The following SERPINF2 variants were observed in gnomAD, a reference collection of about 807,000 sequenced individuals.
SERPINF2 encodes the protein serpin family F member 2, also known as alpha-2-antiplasmin.
A neutral mutation model predicts 45.0 loss-of-function variants in SERPINF2; 15 were observed. The observed-to-expected ratio is 0.33, with a 90% CI of 0.22 to 0.51. The LOEUF (loss-of-function observed/expected upper bound fraction) is 0.51, where lower values mean the gene tolerates loss of function less well. SERPINF2 is among the 20% of genes least tolerant of loss of function. The probability of loss-of-function intolerance (pLI) is 0.97; values close to 1 mark genes in which losing one functional copy is unlikely to be tolerated. For synonymous variants in SERPINF2, 283 were observed against 277.9 expected, an observed-to-expected ratio of 1.02 and a Z score of -0.18; for missense variants, 518 against 637.4, an observed-to-expected ratio of 0.81 and a Z score of 2.02.
intron 9 of SERPINF2, among the ~76,000 whole-genome samples, 179 bp downstream of exon 9, chr17:1,752,969 T>G (rs1906522347): frequency 6.6e-6 from 1 of 152,208 alleles, no homozygotes; most frequent in African/African-American, 2.4e-5. Context: ...CTAGAGGAAG[T>G]TGGGGTGGCC....
intron 8 of SERPINF2, among the ~76,000 whole-genome samples, chr17:1,750,273 C>G (rs917808531): frequency 6.6e-6 from 1 of 152,068 alleles, no homozygotes; most frequent in Admixed American, 6.6e-5. Flanking sequence ...CTCAGCCTCC[C>G]GAGTAGCTTG....
chr17:1,744,992 G>A lies in SERPINF2; in HGVS notation c.-4G>A, dbSNP rs377055860. ...ACAGAGCTTTCTGTCCCTGCCACAG[G>A]AACATGGCGCTGCTCTGGGGGCTCC... On this transcript the variant is annotated splice_region_variant and 5_prime_UTR_variant, in exon 2 of 10. Coordinates refer to ENST00000453066, the MANE Select transcript of SERPINF2 (RefSeq NM_000934.4). 6.2e-7 allele frequency: 1 copy of A among 1,613,870 alleles called. No homozygotes were observed. The highest frequency in any genetic ancestry group is 8.5e-7 in the Non-Finnish European group (1 of 1,180,008).
rs1266391143 is a variant in SERPINF2 at position 1,745,939 on chromosome 17, A to G, written c.367+30A>G. 6.2e-7 allele frequency: 1 copy of G among 1,602,412 alleles called. No individual in the cohort carries two copies. Among genetic ancestry groups the G allele is most frequent in the Non-Finnish European group, 8.5e-7 (1 of 1,174,084 alleles). On this transcript the variant is annotated intron_variant, in intron 5 of 9. Transcript: ENST00000453066. This position sits in a 1 kb window ranked among gnomAD's most constrained non-coding sequence, Gnocchi z 6.2. ...CCTGGCACCACTTGTCCAGACCAAGAGAGCTGGGAGGCCAGTAGGAACTCA... is the reference window on the plus strand; with the variant it reads ...CCTGGCACCACTTGTCCAGACCAAGGGAGCTGGGAGGCCAGTAGGAACTCA...
chr17:1,754,685 T>TGGGGGGGGGGGGGGG lies in SERPINF2; in HGVS notation c.*161_*162insGGGGGGGGGGGGGGG, dbSNP rs67887323. 4 of 181,378 alleles carry TGGGGGGGGGGGGGGG rather than the reference T, an allele frequency of 2.2e-5. No individual in the cohort carries two copies. Among genetic ancestry groups the TGGGGGGGGGGGGGGG allele is most frequent in the Admixed American group, 7.4e-5 (1 of 13,440 alleles). 11.2% of individuals were successfully genotyped at this position (181,378 alleles called of 1,614,324 possible). A position where few individuals can be genotyped will look rare whatever the true frequency, so the allele number is the denominator to read the frequency against. On this transcript the variant is annotated 3_prime_UTR_variant, in exon 10 of 10. Coordinates refer to ENST00000453066, the MANE Select transcript of SERPINF2 (RefSeq NM_000934.4). ...CCAACACCTCTTGGGGAGTTTAGGG[T>TGGGGGGGGGGGGGGG]GGGGGGGGGGCGCGGCTGGGAGGAG...
chr17:1,751,071 G>T (rs958952979), intron 8 of SERPINF2, among the ~76,000 whole-genome samples: 2 of 152,194 alleles, frequency 1.3e-5, no homozygotes, highest in Non-Finnish European at 2.9e-5. Context: ...CGGGTACTCT[G>T]CCTGGAACCC....
intron 5 of SERPINF2, among the ~76,000 whole-genome samples, chr17:1,746,447 G>C (rs1417014217): frequency 7.2e-6 from 1 of 139,164 alleles, no homozygotes; most frequent in African/African-American, 2.7e-5. Context: ...TTTTTTTTGA[G>C]ACAGAGTCTT....
rs554987662 is a variant in SERPINF2, at chr17:1,755,079, C to T, written c.*545C>T. The T allele has an allele frequency of 5.3e-4, 82 of 155,906 alleles. No homozygotes were observed. The highest frequency in any genetic ancestry group is 8.3e-4 in the Non-Finnish European group (59 of 70,660). 9.7% of individuals were successfully genotyped at this position (155,906 alleles called of 1,614,324 possible). On this transcript the variant is annotated 3_prime_UTR_variant, in exon 10 of 10. Coordinates refer to ENST00000453066, the MANE Select transcript of SERPINF2 (RefSeq NM_000934.4). This position sits in a 1 kb window ranked among gnomAD's most constrained non-coding sequence, Gnocchi z 4.2. ...CCATCCTACCCCCTGTGCCTTGTCA[C>T]GCCAGACTTCCCACGGCTCCTCGAG... is the stretch of plus-strand genomic sequence containing the variant.
At chr17:1,752,352 G>C (rs533597951) in intron 8 of SERPINF2, among the ~76,000 whole-genome samples, 11 of 152,022 alleles carry the variant, frequency 7.2e-5, no homozygotes, top group African/African-American at 1.2e-4. Flanking sequence ...CCCCATGCCC[G>C]GCCACACTGC....
Position 1,745,515 on chromosome 17 carries a change from G to A in SERPINF2, c.165+120G>A, listed in dbSNP as rs887653450. The A allele has an allele frequency of 3.8e-6, 5 of 1,311,382 alleles. No individual in the cohort carries two copies. The highest frequency in any genetic ancestry group is 5.4e-6 in the Non-Finnish European group (5 of 933,350). 81.2% of individuals were successfully genotyped at this position (1,311,382 alleles called of 1,614,324 possible). A position where few individuals can be genotyped will look rare whatever the true frequency, so the allele number is the denominator to read the frequency against. On this transcript the variant is annotated intron_variant, in intron 4 of 9. Transcript: ENST00000453066. The surrounding 1 kb of genome is among the most constrained non-coding windows in gnomAD (Gnocchi z 6.2). Reference sequence around the variant, plus strand: ...AGGCTCTGGAGTCCAGAGGCCAGAAGGGAGAGAGGGTGGGGAGGACCGAAG... The same window carrying A: ...AGGCTCTGGAGTCCAGAGGCCAGAAAGGAGAGAGGGTGGGGAGGACCGAAG...
rs751675412 is a variant in SERPINF2, at chr17:1,754,178, G to T, written c.1120G>T (p.Val374Leu). The T allele has an allele frequency of 1.9e-6, 3 of 1,612,072 alleles. No individual in the cohort carries two copies. The Admixed American group carries it at 5.0e-5, about 27-fold the overall frequency. ...DLRGISEQSL[V>L]VSGVQHQSTL... ...GCGTGGGATCTCCGAGCAGAGCCTG[G>T]TGGTGTCCGGCGTGCAGCATCAGTC... The change falls in exon 10 of 10, where the codon GTG becomes TTG. Residue 374 changes from valine to leucine, a missense_variant. Val to Leu is a conservative substitution (Grantham distance 32). This residue lies in a region of SERPINF2 where 435 missense variants were observed against 577.3 expected (regional missense o/e 0.75). Transcript: ENST00000453066.
At chr17:1,749,137 G>T (rs1052502032) in intron 8 of SERPINF2, among the ~76,000 whole-genome samples, 5 of 152,066 alleles carry the variant, frequency 3.3e-5, no homozygotes, top group African/African-American at 1.2e-4. Flanking sequence ...TGAAAAAGAA[G>T]GTGATTTTGG....
In SERPINF2 at chr17:1,745,282, T is replaced by C. The variant is rs753693885; in HGVS notation, c.103-51T>C. ...GGTCTCACTGGTGGCTTGGGCAGGGTGGGGGGCCTGTGGGAAGGGTCGGTC... is the reference window on the plus strand; with the variant it reads ...GGTCTCACTGGTGGCTTGGGCAGGGCGGGGGGCCTGTGGGAAGGGTCGGTC... On this transcript the variant is annotated intron_variant, in intron 3 of 9. Coordinates refer to ENST00000453066, the MANE Select transcript of SERPINF2 (RefSeq NM_000934.4). The surrounding 1 kb of genome is among the most constrained non-coding windows in gnomAD (Gnocchi z 6.2). 2 of 906,606 alleles carry C rather than the reference T, an allele frequency of 2.2e-6. No homozygotes were observed. Among genetic ancestry groups the C allele is most frequent in the African/African-American group, 4.7e-5 (2 of 42,862 alleles). The allele number at this position is 906,606 out of a possible 1,614,324, so 56.2% of individuals were successfully genotyped here.
In SERPINF2 at chr17:1,745,424, G is replaced by A; in HGVS notation, c.165+29G>A. On this transcript the variant is annotated intron_variant, in intron 4 of 9. Transcript: ENST00000453066. This position sits in a 1 kb window ranked among gnomAD's most constrained non-coding sequence, Gnocchi z 6.2. ...CAACCAGGTGGGGCTGGGGAAGAGT[G>A]GGCGGGGCTAGAGGGAGGAGGGCCC... 6.2e-7 allele frequency: 1 copy of A among 1,610,390 alleles called. No homozygotes were observed. The highest frequency in any genetic ancestry group is 8.5e-7 in the Non-Finnish European group (1 of 1,178,948).
In SERPINF2 at chr17:1,744,895, G is replaced by T; in HGVS notation, c.-4-97G>T. Reference sequence around the variant, plus strand: ...CCTGCTTCTTCCCCTTGGCAATCATGACCCAGGACTTGGCGTTATCTGTGA... The same window carrying T: ...CCTGCTTCTTCCCCTTGGCAATCATTACCCAGGACTTGGCGTTATCTGTGA... On this transcript the variant is annotated intron_variant, in intron 1 of 9. Coordinates refer to ENST00000453066, the MANE Select transcript of SERPINF2 (RefSeq NM_000934.4). 3 of 1,597,786 alleles carry T rather than the reference G, an allele frequency of 1.9e-6. No individual in the cohort carries two copies. In the South Asian group the frequency reaches 3.4e-5, roughly 18 times the overall value.
At chr17:1,744,507 C>A (rs1597320697) in intron 1 of SERPINF2, 3 of 979,866 alleles carry the variant, frequency 3.1e-6, no homozygotes, top group Non-Finnish European at 3.6e-6. Context: ...AAATAAACAA[C>A]AAAAAATCCC....
chr17:1,743,490 T>G (rs1337975329), intron 1 of SERPINF2, among the ~76,000 whole-genome samples: 1 of 150,994 alleles, frequency 6.6e-6, no homozygotes, highest in Non-Finnish European at 1.5e-5. Context: ...CTGAGGCAGG[T>G]GGATCACCTG....
chr17:1,751,598 C>T (rs1380083370), intron 8 of SERPINF2, among the ~76,000 whole-genome samples: 1 of 133,072 alleles, frequency 7.5e-6, no homozygotes, highest in African/African-American at 2.5e-5. Flanking sequence ...TCTAAAAATA[C>T]AAAAAATTAG....
intron 1 of SERPINF2, among the ~76,000 whole-genome samples, chr17:1,743,921 G>C (rs1312482964): frequency 4.0e-5 from 6 of 151,128 alleles, no homozygotes; most frequent in Admixed American, 3.9e-4. Flanking sequence ...TTTTGAGACA[G>C]AGTCTTGCTC....
In SERPINF2 at chr17:1,747,043, G is replaced by C. The variant is rs554698763; in HGVS notation, c.392G>C (p.Arg131Thr). The change falls in exon 6 of 10, where the codon AGG becomes ACG. Residue 131 changes from arginine (R) to threonine (T), a missense_variant. By Grantham distance (71) the Arg-to-Thr change is moderately conservative (BLOSUM62 -1). Around this residue, in one of 2 missense-constraint regions of SERPINF2, gnomAD observed 435 missense variants for 577.3 expected, o/e 0.75. Transcript: ENST00000453066. ...ALGAQNHTLQ[R>T]LQQVLHAGSG... is the part of the protein sequence containing the mutation. ...GGTGCTCAGAACCACACGTTGCAGA[G>C]GCTGCAACAGGTGCTGCACGCAGGC... 105 of 1,607,192 alleles carry C rather than the reference G, an allele frequency of 6.5e-5. 1 individual carries two copies. In the South Asian group the frequency reaches 1.1e-3, roughly 17 times the overall value.
Sources: gnomAD v4.1 joint callset for allele counts (sites outside exome capture counted in the v4.1 genomes callset) on GRCh38, gnomAD v4.1.1 for gene constraint, gnomAD v4.1.1 regional missense constraint, Gnocchi (gnomAD v3.1) non-coding constraint, MANE v1.5 for transcripts, NCBI Gene and HGNC (gene_info 2026-07-23, HGNC 2026-07-21) for gene names.